The following ZNF548 variants were observed in gnomAD, a reference collection of about 807,000 sequenced individuals.
ZNF548 encodes zinc finger protein 548.
A neutral mutation model predicts 10.2 loss-of-function variants in ZNF548; 10 were observed. That is an observed-to-expected ratio of 0.98 (90% CI 0.60 to 1.66). ZNF548 has a LOEUF of 1.66. ZNF548 is among the 40% of genes most tolerant of loss of function. The probability of loss-of-function intolerance (pLI) is 0.00; values close to 1 mark genes in which losing one functional copy is unlikely to be tolerated. For synonymous variants in ZNF548, 217 were observed against 223.5 expected (o/e 0.97, Z 0.26); for missense variants, 599 against 657.0 (o/e 0.91, Z 0.97).
At position 57,399,520 on chromosome 19, in the gene ZNF548, C is replaced by T; in HGVS notation, c.1269C>T (p.His423=). ...GGTACCACTGCAGGCTCATTAGACACCAGAGAGTCCACACGGGAGAAAGGC... is the reference window on the plus strand; with the variant it reads ...GGTACCACTGCAGGCTCATTAGACATCAGAGAGTCCACACGGGAGAAAGGC... ...SFRYHCRLIR[H]QRVHTGERPY... is the part of the protein sequence containing the mutation. The change falls in exon 4 of 4, where the codon CAC becomes CAT. Residue 423 remains histidine (H), a synonymous_variant. Transcript: ENST00000336128. The surrounding 1 kb of genome is among the most constrained non-coding windows in gnomAD (Gnocchi z 4.0). The T allele has an allele frequency of 6.2e-7, 1 of 1,610,492 alleles. No individual in the cohort carries two copies. The highest frequency in any genetic ancestry group is 8.5e-7 in the Non-Finnish European group (1 of 1,178,882).
intron 1 of ZNF548, chr19:57,392,886 C>T (rs373272833): frequency 3.1e-5 from 31 of 985,508 alleles, no homozygotes; most frequent in African/African-American, 1.9e-4. Context: ...CTGTCCAGAA[C>T]GGTGCAGACC....
Position 57,389,915 on chromosome 19 carries a change from C to A in ZNF548, c.-185C>A, listed in dbSNP as rs1016198587. The A allele has an allele frequency of 2.3e-5, 14 of 619,196 alleles. No homozygotes were observed. The highest frequency in any genetic ancestry group is 1.3e-4 in the African/African-American group (7 of 54,054). The allele number at this position is 619,196 out of a possible 1,614,324, so 38.4% of individuals were successfully genotyped here. The stretch of plus-strand genomic sequence containing the variant: ...GTTCTGTGTGGTGTTTCACCAACTT[C>A]GGCCTATGGCTCTGTCTGACGTCAC... On this transcript the variant is annotated 5_prime_UTR_variant, in exon 1 of 4. Transcript: ENST00000336128.
At chr19:57,392,699 A>G (rs2088635557) in intron 1 of ZNF548, 6 of 831,000 alleles carry the variant, frequency 7.2e-6, no homozygotes, top group Non-Finnish European at 7.3e-6. Flanking sequence ...TTATGTGTCT[A>G]TTTCTATCCA....
chr19:57,390,779 G>A (rs1485857993), intron 1 of ZNF548: 2 of 152,238 alleles, frequency 1.3e-5, no homozygotes, highest in African/African-American at 2.4e-5. Context: ...TCACAGGTTG[G>A]ATTTTGGACA....
Position 57,402,471 on chromosome 19 carries a change from A to G in ZNF548, c.*2582A>G, listed in dbSNP as rs919887275. 1 of 152,222 alleles carries G rather than the reference A, an allele frequency of 6.6e-6. No individual in the cohort carries two copies. Among genetic ancestry groups the G allele is most frequent in the African/African-American group, 2.4e-5 (1 of 41,452 alleles). The allele number at this position is 152,222 out of a possible 1,614,324, so 9.4% of individuals were successfully genotyped here. On this transcript the variant is annotated 3_prime_UTR_variant, in exon 4 of 4. Coordinates refer to ENST00000336128, the MANE Select transcript of ZNF548 (RefSeq NM_001172773.2). The stretch of plus-strand genomic sequence containing the variant: ...TCAGGTTGCTGTTACTGTGTTTCAG[A>G]TGCAACCCTCTGTGGGACCCTACCC...
Position 57,399,705 on chromosome 19 carries a change from G to A in ZNF548, c.1454G>A (p.Gly485Glu), listed in dbSNP as rs777495749. The change falls in exon 4 of 4, where the codon GGA (glycine) becomes GAA (glutamate). Residue 485 changes from glycine to glutamate, a missense_variant. Coordinates refer to ENST00000336128, the MANE Select transcript of ZNF548 (RefSeq NM_001172773.2). This position sits in a 1 kb window ranked among gnomAD's most constrained non-coding sequence, Gnocchi z 4.0. ...GTTGAGCACCAGAAAATCCACAGTG[G>A]AGAAAGACCTTATGAGTGCAGCGAA... ...ILVEHQKIHS[G>E]ERPYECSECQ... is the part of the protein sequence containing the mutation. The A allele has an allele frequency of 1.3e-5, 21 of 1,614,060 alleles. No individual in the cohort carries two copies. Among genetic ancestry groups the A allele is most frequent in the Admixed American group, 1.7e-5 (1 of 60,010 alleles).
intron 3 of ZNF548, 181 bp downstream of exon 3, chr19:57,397,355 TC>T: frequency 2.2e-6 from 2 of 917,102 alleles, no homozygotes; most frequent in Non-Finnish European, 1.6e-6. Flanking sequence ...TTTCCTAGCA[TC>T]CCCATCCCTG....
intron 1 of ZNF548, chr19:57,390,411 T>C (rs2088615049): frequency 2.8e-6 from 1 of 354,762 alleles, no homozygotes; most frequent in African/African-American, 2.1e-5. Context: ...CCAGTAACCA[T>C]GGAAGGTTGT....
In ZNF548 at chr19:57,399,046, T is replaced by C. The variant is rs758845370; in HGVS notation, c.795T>C (p.Tyr265=). The C allele has an allele frequency of 1.2e-6, 2 of 1,614,136 alleles. No homozygotes were observed. Among genetic ancestry groups the C allele is most frequent in the Admixed American group, 1.7e-5 (1 of 60,008 alleles). Residue 265 remains tyrosine, a synonymous_variant, in exon 4 of 4, where the codon TAT becomes TAC. Transcript: ENST00000336128. The surrounding 1 kb of genome is among the most constrained non-coding windows in gnomAD (Gnocchi z 4.0). ...CAGTTCACACTAGTGAAAGGACTTA[T>C]GAGTGCAGAGAATGTGGAAAATCCT... The part of the protein sequence containing the change: ...HQTVHTSERT[Y]ECRECGKSFM...
intron 3 of ZNF548, among the ~76,000 whole-genome samples, chr19:57,398,029 T>C (rs1212164763): frequency 6.6e-6 from 1 of 152,224 alleles, no homozygotes; most frequent in East Asian, 1.9e-4. Context: ...ACGTGGCCTG[T>C]ATTTAACATG....
rs896487677 is a variant in ZNF548 at position 57,401,224 on chromosome 19, G to T, written c.*1335G>T. ...TTTTGATGTACTGTTGACTCTTTCT[G>T]TCTGTGGGTTCTGTATTCATGGATC... is the stretch of plus-strand genomic sequence containing the variant. On this transcript the variant is annotated 3_prime_UTR_variant, in exon 4 of 4. Coordinates refer to ENST00000336128, the MANE Select transcript of ZNF548 (RefSeq NM_001172773.2). The T allele has an allele frequency of 6.6e-6, 1 of 152,060 alleles. No homozygotes were observed. The allele number at this position is 152,060 out of a possible 1,614,324, so 9.4% of individuals were successfully genotyped here.
At chr19:57,396,870 G>A (rs528108923) in intron 2 of ZNF548, 178 bp from the exon 3 acceptor site, 11 of 893,120 alleles carry the variant, frequency 1.2e-5, no homozygotes, top group Middle Eastern at 3.7e-4. Flanking sequence ...TAGAGTACGG[G>A]AAATATTGGC....
chr19:57,395,560 GGA>G lies in ZNF548; in HGVS notation c.51+1343_51+1344del, dbSNP rs1054281404. ...AGGCACATCTTCCCATGATGGAGCA[GGA>G]GAGAGGGAGAGAATGAAGGGGGAAG... On this transcript the variant is annotated intron_variant, in intron 2 of 3. Coordinates refer to ENST00000336128, the MANE Select transcript of ZNF548 (RefSeq NM_001172773.2). The surrounding 1 kb of genome is among the most constrained non-coding windows in gnomAD (Gnocchi z 4.8). Among the ~76,000 whole-genome samples, 55 of 152,168 alleles carry G rather than the reference GGA, an allele frequency of 3.6e-4. No homozygotes were observed. Among genetic ancestry groups the G allele is most frequent in the African/African-American group, 1.3e-3 (53 of 41,442 alleles).
At chr19:57,393,688 AG>A (rs1275166607) in intron 1 of ZNF548, among the ~76,000 whole-genome samples, 1 of 28,864 alleles carries the variant, frequency 3.5e-5, no homozygotes, top group Non-Finnish European at 6.4e-5. Flanking sequence ...AGGGGAGGGG[AG>A]GGGAGGGCAG....
Position 57,399,200 on chromosome 19 carries a change from G to T in ZNF548, c.949G>T (p.Gly317Ter). ...TFVRHQRVHT[G>*]ERPYECRECG... is the part of the protein sequence containing the mutation. ...TGTTAGACATCAGAGAGTTCACACC[G>T]GAGAAAGGCCGTATGAGTGCAGGGA... Residue 317 changes from glycine (G) to a stop codon, truncating the protein, a stop_gained, in exon 4 of 4, where the codon GGA (glycine) becomes TGA (stop). Coordinates refer to ENST00000336128, the MANE Select transcript of ZNF548 (RefSeq NM_001172773.2). LOFTEE classifies it low-confidence loss of function (END_TRUNC). The surrounding 1 kb of genome is among the most constrained non-coding windows in gnomAD (Gnocchi z 4.0). 6.2e-7 allele frequency: 1 copy of T among 1,614,064 alleles called. No homozygotes were observed.
intron 2 of ZNF548, 40 bp downstream of exon 2, chr19:57,394,263 T>C (rs1170450358): frequency 6.3e-7 from 1 of 1,591,176 alleles, no homozygotes; most frequent in Non-Finnish European, 8.5e-7. Context: ...ACCCTGGTTA[T>C]CTCCCAGATG....
At chr19:57,397,804 G>T (rs1245964337) in intron 3 of ZNF548, among the ~76,000 whole-genome samples, 2 of 152,194 alleles carry the variant, frequency 1.3e-5, no homozygotes, top group African/African-American at 2.4e-5. Context: ...AAGGGTTGAT[G>T]TCACAGCTGG....
At chr19:57,390,211 G>C (rs1823547891) in intron 1 of ZNF548, 97 bp downstream of exon 1, 2 of 1,413,854 alleles carry the variant, frequency 1.4e-6, no homozygotes, top group Admixed American at 2.1e-5. Context: ...GTCCCGAAGA[G>C]AGGGGCGTTC....
In ZNF548 at chr19:57,399,503, T is replaced by G; in HGVS notation, c.1252T>G (p.Cys418Gly). The G allele has an allele frequency of 6.2e-7, 1 of 1,613,990 alleles. No individual in the cohort carries two copies. Among genetic ancestry groups the G allele is most frequent in the Non-Finnish European group, 8.5e-7 (1 of 1,179,984 alleles). The change falls in exon 4 of 4, where the codon TGC becomes GGC. Residue 418 changes from cysteine (C) to glycine (G), a missense_variant. Coordinates refer to ENST00000336128, the MANE Select transcript of ZNF548 (RefSeq NM_001172773.2). The surrounding 1 kb of genome is among the most constrained non-coding windows in gnomAD (Gnocchi z 4.0). ...SECGKSFRYH[C>G]RLIRHQRVHT... ...ATGTGGGAAATCATTTAGGTACCAC[T>G]GCAGGCTCATTAGACACCAGAGAGT...
Sources: allele counts gnomAD v4.1 joint callset (sites outside exome capture counted in the v4.1 genomes callset), GRCh38; gene constraint gnomAD v4.1.1; non-coding constraint Gnocchi (gnomAD v3.1); transcripts MANE v1.5; gene names NCBI Gene and HGNC (gene_info 2026-07-23, HGNC 2026-07-21).